The following CLSTN1 variants were observed in gnomAD, a reference collection of about 807,000 sequenced individuals.
The protein encoded by CLSTN1 is calsyntenin 1, also known as calsyntenin-1.
Under a neutral mutation model 108.3 loss-of-function variants are expected in CLSTN1, and 28 were observed. That is an observed-to-expected ratio of 0.26 (90% CI 0.19 to 0.35). The LOEUF (loss-of-function observed/expected upper bound fraction) is 0.35. CLSTN1 is among the 10% of genes least tolerant of loss of function. CLSTN1 has a pLI of 1.00. For synonymous variants in CLSTN1, 524 were observed against 534.9 expected (o/e 0.98, Z 0.28); for missense variants, 1,157 against 1,302.6 (o/e 0.89, Z 1.72).
chr1:9,765,276 C>T (rs773024570), intron 2 of CLSTN1, among the ~76,000 whole-genome samples: 7 of 151,798 alleles, frequency 4.6e-5, no homozygotes, highest in South Asian at 2.1e-4. Flanking sequence ...CCCAGCTACT[C>T]GGGAGACTGA....
intron 1 of CLSTN1, among the ~76,000 whole-genome samples, chr1:9,816,700 G>A (rs190172771): frequency 1.3e-5 from 2 of 152,168 alleles, no homozygotes; most frequent in African/African-American, 4.8e-5. Context: ...AGGCTGGAGT[G>A]CAATGGTGTG....
At chr1:9,786,556 T>C (rs1653495533) in intron 1 of CLSTN1, among the ~76,000 whole-genome samples, 1 of 149,916 alleles carries the variant, frequency 6.7e-6, no homozygotes, top group Non-Finnish European at 1.5e-5. Context: ...GGCAGGAGAA[T>C]TGCTTGGACC....
At chr1:9,816,257 C>A (rs1654965020) in intron 1 of CLSTN1, among the ~76,000 whole-genome samples, 1 of 152,130 alleles carries the variant, frequency 6.6e-6, no homozygotes, top group African/African-American at 2.4e-5. Context: ...AAGCTAGTCA[C>A]AAAAGGCCAC....
chr1:9,817,686 G>A lies in CLSTN1; in HGVS notation c.91+5957C>T, dbSNP rs115058807. Among the ~76,000 whole-genome samples, 928 of 152,264 alleles carry A rather than the reference G, an allele frequency of 6.1e-3. 12 individuals carry two copies. Among genetic ancestry groups the A allele is most frequent in the African/African-American group, 0.021 (881 of 41,542 alleles). On this transcript the variant is annotated intron_variant, in intron 1 of 18. Coordinates refer to ENST00000377298, the MANE Select transcript of CLSTN1 (RefSeq NM_001009566.3). ...TTTAAACTCTGCTACTTTGAAGTAC[G>A]TGAATCTCTGCCAAGAATCTTTAAA...
chr1:9,823,696 G>A lies in CLSTN1; in HGVS notation c.38C>T (p.Ala13Val), dbSNP rs1352083215. 4 of 1,141,258 alleles carry A rather than the reference G, an allele frequency of 3.5e-6. No individual in the cohort carries two copies. In the East Asian group the frequency reaches 1.7e-4, roughly 50 times the overall value. 70.7% of individuals were successfully genotyped at this position (1,141,258 alleles called of 1,614,324 possible). Reference sequence around the variant, plus strand: ...CAGCAGCCCGGCCAGCAGCAGCCGGGCGGCCGGGGCCAGCGCGGGAGCGGG... The same window carrying A: ...CAGCAGCCCGGCCAGCAGCAGCCGGACGGCCGGGGCCAGCGCGGGAGCGGG... Reference protein sequence around the residue: ...RRPAPALAPAARLLLAGLLCG... With the variant: ...RRPAPALAPAVRLLLAGLLCG... Residue 13 changes from alanine (A) to valine (V), a missense_variant, in exon 1 of 19, where the codon GCC (alanine) becomes GTC (valine). Transcript: ENST00000377298. This position sits in a 1 kb window ranked among gnomAD's most constrained non-coding sequence, Gnocchi z 6.3.
chr1:9,753,092 G>C (rs558979488), intron 4 of CLSTN1, among the ~76,000 whole-genome samples: 1 of 152,110 alleles, frequency 6.6e-6, no homozygotes, highest in Admixed American at 6.6e-5. Context: ...TTTCTCCACA[G>C]ATGGGGGTGG....
At chr1:9,733,235 G>A (rs975914630) in intron 16 of CLSTN1, among the ~76,000 whole-genome samples, 166 bp downstream of exon 16, 2 of 152,082 alleles carry the variant, frequency 1.3e-5, no homozygotes, top group Admixed American at 6.6e-5. Flanking sequence ...AAGCCCAGGT[G>A]TAACCTGCAG....
chr1:9,741,022 C>A (rs1418332180), intron 10 of CLSTN1, 72 bp downstream of exon 10: 2 of 1,515,610 alleles, frequency 1.3e-6, no homozygotes, highest in African/African-American at 1.4e-5. Context: ...CCGATCACAG[C>A]CTGCTGCCAC....
chr1:9,797,018 C>T (rs1654039268), intron 1 of CLSTN1, among the ~76,000 whole-genome samples: 1 of 152,130 alleles, frequency 6.6e-6, no homozygotes, highest in South Asian at 2.1e-4. Context: ...CATGGTTAAA[C>T]ACTGGTGCGT....
In CLSTN1 at chr1:9,730,474, C is replaced by G; in HGVS notation, c.*34G>C. Reference sequence around the variant, plus strand: ...GGAGAACGGATGGCAGCAGAGTCTTCGAAAGCAGAAACCGAGGTGGCCGGG... The same window carrying G: ...GGAGAACGGATGGCAGCAGAGTCTTGGAAAGCAGAAACCGAGGTGGCCGGG... On this transcript the variant is annotated 3_prime_UTR_variant, in exon 19 of 19. Transcript: ENST00000377298. This position sits in a 1 kb window ranked among gnomAD's most constrained non-coding sequence, Gnocchi z 5.6. 1 of 1,586,326 alleles carries G rather than the reference C, an allele frequency of 6.3e-7. No individual in the cohort carries two copies. Among genetic ancestry groups the G allele is most frequent in the Non-Finnish European group, 8.6e-7 (1 of 1,168,590 alleles).
chr1:9,731,312 C>T lies in CLSTN1; in HGVS notation c.2642G>A (p.Arg881Gln). ...GGTCCGCCGATGTGCGGCCCGGATC[C>T]GAAATACCCCCAGGATAATCATGAA... ...LVFMIILGVF[R>Q]IRAAHRRTMR... The change falls in exon 18 of 19, where the codon CGG becomes CAG. Residue 881 changes from arginine (R) to glutamine (Q), a missense_variant. Arg to Gln is a conservative substitution (Grantham distance 43). Transcript: ENST00000377298. The T allele has an allele frequency of 1.2e-6, 2 of 1,614,234 alleles. No individual in the cohort carries two copies. The highest frequency in any genetic ancestry group is 8.5e-7 in the Non-Finnish European group (1 of 1,180,042).
chr1:9,747,174 C>CT (rs1651309878), intron 7 of CLSTN1, among the ~76,000 whole-genome samples: 1 of 84,300 alleles, frequency 1.2e-5, no homozygotes, highest in African/African-American at 5.6e-5. Flanking sequence ...GGGAGACTGT[C>CT]TCAAAAAAAA....
intron 1 of CLSTN1, among the ~76,000 whole-genome samples, chr1:9,790,015 T>C (rs1288524312): frequency 3.3e-5 from 5 of 151,386 alleles, no homozygotes; most frequent in Non-Finnish European, 4.4e-5. Flanking sequence ...CTAACCATAA[T>C]GGCAGTATTA....
chr1:9,820,525 A>C (rs920113538), intron 1 of CLSTN1, among the ~76,000 whole-genome samples: 1 of 152,134 alleles, frequency 6.6e-6, no homozygotes, highest in Non-Finnish European at 1.5e-5. Context: ...TCACAAAAAC[A>C]AAAACAAACA....
chr1:9,762,183 C>G (rs567535467), intron 2 of CLSTN1, among the ~76,000 whole-genome samples: 1 of 152,118 alleles, frequency 6.6e-6, no homozygotes, highest in African/African-American at 2.4e-5. Context: ...GAAAATGGGC[C>G]GGGTGTGGTG....
intron 1 of CLSTN1, among the ~76,000 whole-genome samples, chr1:9,803,539 ACG>A (rs1654377127): frequency 6.6e-6 from 1 of 152,222 alleles, no homozygotes; most frequent in Non-Finnish European, 1.5e-5. Context: ...GCAGTGGCTC[ACG>A]CCTGCAATCC....
chr1:9,761,806 T>TATA (rs1652088038), intron 2 of CLSTN1, among the ~76,000 whole-genome samples: 1 of 152,136 alleles, frequency 6.6e-6, no homozygotes, highest in Admixed American at 6.5e-5. Flanking sequence ...GCTCCTTACG[T>TATA]ATAACAGCTA....
chr1:9,787,987 G>A (rs1191372547), intron 1 of CLSTN1, among the ~76,000 whole-genome samples: 1 of 151,400 alleles, frequency 6.6e-6, no homozygotes, highest in Non-Finnish European at 1.5e-5. Context: ...CGGCGTGGTG[G>A]CTCAAACCTG....
intron 1 of CLSTN1, among the ~76,000 whole-genome samples, chr1:9,787,699 T>C (rs968310380): frequency 1.3e-5 from 2 of 151,216 alleles, no homozygotes; most frequent in African/African-American, 2.4e-5. Flanking sequence ...TTCTAATTTT[T>C]CCTCCAAATT....
Sources: allele counts gnomAD v4.1 joint callset (sites outside exome capture counted in the v4.1 genomes callset), GRCh38; gene constraint gnomAD v4.1.1; non-coding constraint Gnocchi (gnomAD v3.1); transcripts MANE v1.5; gene names NCBI Gene and HGNC (gene_info 2026-07-23, HGNC 2026-07-21).